EEFSEC: variants seen among roughly 807,000 people sequenced by gnomAD.
The protein encoded by EEFSEC is eukaryotic elongation factor, selenocysteine-tRNA specific, also known as selenocysteine-specific elongation factor.
In EEFSEC, 43 loss-of-function variants were observed where a neutral mutation model predicts 42.1. The observed-to-expected ratio is 1.02, with a 90% CI of 0.80 to 1.32. The LOEUF is 1.32. EEFSEC is among the 40% of genes most tolerant of loss of function. EEFSEC has a pLI of 0.00. For missense variants in EEFSEC, 745 were observed against 803.6 expected (o/e 0.93, Z 0.88); for synonymous variants, 354 against 339.1 (o/e 1.04, Z -0.48).
chr3:128,338,023 G>A (rs2067209109), intron 4 of EEFSEC, among the ~76,000 whole-genome samples: 1 of 152,210 alleles, frequency 6.6e-6, no homozygotes, highest in African/African-American at 2.4e-5. Context: ...AGTGCACATC[G>A]ATAGGAGTCC....
At chr3:128,401,266 T>A (rs1267393007) in intron 6 of EEFSEC, among the ~76,000 whole-genome samples, 5 of 152,168 alleles carry the variant, frequency 3.3e-5, no homozygotes, top group African/African-American at 4.8e-5. Context: ...CCTGCCCTGC[T>A]GGGGCATTTT....
chr3:128,191,504 A>G (rs1231601725), intron 1 of EEFSEC, among the ~76,000 whole-genome samples: 1 of 152,100 alleles, frequency 6.6e-6, no homozygotes, highest in African/African-American at 2.4e-5. Context: ...CCATTTTTAA[A>G]TGTACAATTC....
chr3:128,267,234 C>G lies in EEFSEC; in HGVS notation c.786+2453C>G, dbSNP rs971472186. On this transcript the variant is annotated intron_variant, in intron 4 of 6. Coordinates refer to ENST00000254730, the MANE Select transcript of EEFSEC (RefSeq NM_021937.5). ...GTAGTGGTAAGGAGGCAGGGATGTT[C>G]GAGTGGGGTCCTGTTCTGAGCTTTT... Among the ~76,000 whole-genome samples, 7 of 152,086 alleles carry G rather than the reference C, an allele frequency of 4.6e-5. 1 individual carries two copies. The highest frequency in any genetic ancestry group is 4.6e-4 in the Admixed American group (7 of 15,270).
At chr3:128,366,735 G>A (rs1161457209) in intron 6 of EEFSEC, among the ~76,000 whole-genome samples, 5 of 152,160 alleles carry the variant, frequency 3.3e-5, no homozygotes, top group Non-Finnish European at 5.9e-5. Flanking sequence ...CCTGCACCCC[G>A]GGAGTTCACA....
At chr3:128,364,325 C>T (rs1218097004) in intron 6 of EEFSEC, among the ~76,000 whole-genome samples, 1 of 152,116 alleles carries the variant, frequency 6.6e-6, no homozygotes, top group Admixed American at 6.5e-5. Context: ...GCCACTGGGA[C>T]GTGTGGCTGG....
intron 6 of EEFSEC, among the ~76,000 whole-genome samples, chr3:128,399,096 AAAT>A (rs755260942): frequency 2.4e-5 from 3 of 123,344 alleles, no homozygotes; most frequent in African/African-American, 1.3e-4. Flanking sequence ...ATAAATAAAT[AAAT>A]AAATAAAATA....
At chr3:128,272,343 G>A (rs9880891) in intron 4 of EEFSEC, among the ~76,000 whole-genome samples, 20 of 152,212 alleles carry the variant, frequency 1.3e-4, no homozygotes, top group Non-Finnish European at 2.4e-4. Context: ...TGTCCTAGGG[G>A]TTTGGGGAAA....
chr3:128,363,076 G>C (rs1193077646), intron 6 of EEFSEC, among the ~76,000 whole-genome samples: 3 of 152,248 alleles, frequency 2.0e-5, no homozygotes, highest in Non-Finnish European at 2.9e-5. Flanking sequence ...AGGAGGAGGA[G>C]AAACAGCCCC....
At chr3:128,393,092 C>T (rs1416366592) in intron 6 of EEFSEC, among the ~76,000 whole-genome samples, 1 of 152,248 alleles carries the variant, frequency 6.6e-6, no homozygotes, top group Non-Finnish European at 1.5e-5. Flanking sequence ...GCCTTTAAGG[C>T]TTCCACATAC....
At chr3:128,289,690 T>A (rs149099271) in intron 4 of EEFSEC, among the ~76,000 whole-genome samples, 1 of 152,386 alleles carries the variant, frequency 6.6e-6, no homozygotes, top group African/African-American at 2.4e-5. Flanking sequence ...GCCTTTGTGC[T>A]ACCTTTGGGA....
At chr3:128,296,393 C>T (rs2955103) in intron 4 of EEFSEC, among the ~76,000 whole-genome samples, 71,696 of 151,922 alleles carry the variant, frequency 0.47, 19,783 homozygotes, top group Non-Finnish European at 0.61. Context: ...ACCCATAAGC[C>T]TTTCTTGTCT....
At chr3:128,376,286 G>A (rs910708539) in intron 6 of EEFSEC, among the ~76,000 whole-genome samples, 2 of 152,230 alleles carry the variant, frequency 1.3e-5, no homozygotes, top group South Asian at 4.1e-4. Context: ...CTAGAAGTAG[G>A]CGGAAACAGC....
chr3:128,407,384 T>TC (rs1183040234), intron 6 of EEFSEC, among the ~76,000 whole-genome samples: 1 of 152,146 alleles, frequency 6.6e-6, no homozygotes, highest in Non-Finnish European at 1.5e-5. Flanking sequence ...CACTGGGGTG[T>TC]CCTGATGGGA....
chr3:128,386,136 G>A (rs2067834924), intron 6 of EEFSEC, among the ~76,000 whole-genome samples: 1 of 152,178 alleles, frequency 6.6e-6, no homozygotes. Flanking sequence ...CGAAGTGGTG[G>A]CAATGGGTAT....
At chr3:128,173,345 C>T (rs1455016807) in intron 1 of EEFSEC, among the ~76,000 whole-genome samples, 4 of 152,076 alleles carry the variant, frequency 2.6e-5, no homozygotes, top group South Asian at 4.1e-4. Context: ...GGCTGGCAAG[C>T]GGGGAATGGG....
rs2107588997 is a variant in EEFSEC, at chr3:128,358,305, C to T, written c.1532C>T (p.Ser511Phe). 6.2e-7 allele frequency: 1 copy of T among 1,614,244 alleles called. No individual in the cohort carries two copies. The highest frequency in any genetic ancestry group is 1.6e-4 in the Middle Eastern group (1 of 6,062). ...TTCGTGGGGCTCAAGGTGCACTTGT[C>T]CACTGGGGAACTGGGCATCATCGAC... ...QLFVGLKVHL[S>F]TGELGIIDSA... Residue 511 changes from serine to phenylalanine, a missense_variant, in exon 6 of 7, where the codon TCC (serine) becomes TTC (phenylalanine). By Grantham distance (155) the Ser-to-Phe change is radical. Coordinates refer to ENST00000254730, the MANE Select transcript of EEFSEC (RefSeq NM_021937.5).
At chr3:128,277,686 T>C (rs1030035114) in intron 4 of EEFSEC, among the ~76,000 whole-genome samples, 3 of 150,706 alleles carry the variant, frequency 2.0e-5, no homozygotes, top group Non-Finnish European at 4.4e-5. Context: ...CCGATTTGTG[T>C]GCTCGCATTT....
chr3:128,247,152 A>G, intron 2 of EEFSEC, 109 bp downstream of exon 2: 1 of 1,113,932 alleles, frequency 9.0e-7, no homozygotes, highest in Non-Finnish European at 1.3e-6. Context: ...CTCCCGTCCT[A>G]GTAAGTGAGA....
intron 3 of EEFSEC, among the ~76,000 whole-genome samples, chr3:128,263,740 A>G (rs563103237): frequency 6.6e-6 from 1 of 152,358 alleles, no homozygotes; most frequent in Admixed American, 6.5e-5. Context: ...AGTAGCAAAC[A>G]CAAGGAATCC....
Sources: gnomAD v4.1 joint callset for allele counts (sites outside exome capture counted in the v4.1 genomes callset) on GRCh38, gnomAD v4.1.1 for gene constraint, MANE v1.5 for transcripts, NCBI Gene and HGNC (gene_info 2026-07-23, HGNC 2026-07-21) for gene names.